The following SPDYE10 variants were observed in gnomAD, a reference collection of about 807,000 sequenced individuals.
SPDYE10 encodes speedy/RINGO cell cycle regulator family member E10, also known as speedy protein E10.
At chr7:73,154,996 G>T in the SPDYE10 span, 4 of 157,096 alleles carry the variant, frequency 2.5e-5, no homozygotes, top group Non-Finnish European at 5.4e-5. Flanking sequence ...CCGCCGCTCG[G>T]CCCCTCGGCT....
chr7:73,123,168 C>T, the SPDYE10 span, among the ~76,000 whole-genome samples: 2 of 152,234 alleles, frequency 1.3e-5, no homozygotes, highest in South Asian at 4.1e-4. Flanking sequence ...CTTGCTGCTG[C>T]CATTCCTGGC....
At chr7:73,135,638 G>A in the SPDYE10 span, among the ~76,000 whole-genome samples, 1 of 110,128 alleles carries the variant, frequency 9.1e-6, no homozygotes, top group Admixed American at 9.6e-5. Flanking sequence ...AGATTCTTGT[G>A]CCCCACCACT....
At chr7:73,149,661 T>C in the SPDYE10 span, among the ~76,000 whole-genome samples, 1 of 151,594 alleles carries the variant, frequency 6.6e-6, no homozygotes, top group South Asian at 2.1e-4. Flanking sequence ...CTCATGTGTG[T>C]GGCTGCACTC....
chr7:73,130,800 AC>A, the SPDYE10 span, among the ~76,000 whole-genome samples: 1 of 147,982 alleles, frequency 6.8e-6, no homozygotes, highest in Non-Finnish European at 1.5e-5. Flanking sequence ...TTTATGGGGT[AC>A]CTAGGGATGT....
the SPDYE10 span, among the ~76,000 whole-genome samples, chr7:73,127,845 A>T: frequency 3.1e-5 from 4 of 130,382 alleles, no homozygotes. Context: ...GGGTGTGTAG[A>T]AAAAGGAGAT....
chr7:73,135,722 A>G, the SPDYE10 span, among the ~76,000 whole-genome samples: 3 of 65,226 alleles, frequency 4.6e-5, no homozygotes, highest in South Asian at 2.0e-3. Context: ...GGCACCTGCC[A>G]CCATGCCGGG....
chr7:73,145,154 T>G, the SPDYE10 span, among the ~76,000 whole-genome samples: 1 of 145,064 alleles, frequency 6.9e-6, no homozygotes, highest in African/African-American at 2.8e-5. Flanking sequence ...TTTTCTTTCT[T>G]TCTTTCTTTC....
At chr7:73,147,177 T>TA in the SPDYE10 span, among the ~76,000 whole-genome samples, 3 of 146,236 alleles carry the variant, frequency 2.1e-5, no homozygotes, top group African/African-American at 7.7e-5. Flanking sequence ...TTTTTTTTTT[T>TA]CTTTGAGACA....
chr7:73,145,021 A>AAAG, the SPDYE10 span, among the ~76,000 whole-genome samples: 1 of 110,860 alleles, frequency 9.0e-6, no homozygotes, highest in African/African-American at 4.4e-5. Context: ...AAAAAAAAAA[A>AAAG]AAGAAGAATT....
the SPDYE10 span, among the ~76,000 whole-genome samples, chr7:73,134,545 G>GAAAGAAAGAAAGAAAGAAAGAAAGA: frequency 3.3e-5 from 5 of 151,956 alleles, no homozygotes; most frequent in African/African-American, 1.2e-4. Context: ...GAAAAAGAAA[G>GAAAGAAAGAAAGAAAGAAAGAAAGA]AAAGAAAGAA....
At chr7:73,114,314 C>CA in the SPDYE10 span, among the ~76,000 whole-genome samples, 19 of 135,048 alleles carry the variant, frequency 1.4e-4, no homozygotes, top group Non-Finnish European at 2.9e-4. Context: ...TGCACACACA[C>CA]CTCTCTAGAA....
chr7:73,126,691 T>C, the SPDYE10 span, among the ~76,000 whole-genome samples: 1 of 145,870 alleles, frequency 6.9e-6, no homozygotes, highest in South Asian at 2.1e-4. Context: ...TTTTTTTCTT[T>C]TTTTGAGATA....
chr7:73,137,891 G>GAGGGGAAGGGGAGGGGAAGGGA, the SPDYE10 span, among the ~76,000 whole-genome samples: 3 of 119,276 alleles, frequency 2.5e-5, no homozygotes, highest in Non-Finnish European at 3.5e-5. Context: ...AGGGGAAGGA[G>GAGGGGAAGGGGAGGGGAAGGGA]AGGGGAAGGG....
chr7:73,141,913 A>AAAAAG, the SPDYE10 span, among the ~76,000 whole-genome samples: 15 of 43,796 alleles, frequency 3.4e-4, no homozygotes, highest in East Asian at 6.1e-3. Context: ...GAAAGAAAAA[A>AAAAAG]AAAAGAAAAG....
the SPDYE10 span, among the ~76,000 whole-genome samples, chr7:73,145,172 C>T: frequency 2.6e-5 from 3 of 117,096 alleles, no homozygotes; most frequent in Admixed American, 9.2e-5. Flanking sequence ...TTCTCTTTCT[C>T]TCTCTCTTTC....
chr7:73,154,607 G>A, the SPDYE10 span, among the ~76,000 whole-genome samples: 3 of 147,076 alleles, frequency 2.0e-5, no homozygotes, highest in Non-Finnish European at 4.5e-5. Context: ...CACCGGAGTC[G>A]TCTGGTTTGC....
At chr7:73,137,924 G>GAGGGGAAGGGAAGGGGAAGGGA in the SPDYE10 span, among the ~76,000 whole-genome samples, 2 of 111,364 alleles carry the variant, frequency 1.8e-5, no homozygotes, top group Non-Finnish European at 3.9e-5. Flanking sequence ...AGGGGAAGGG[G>GAGGGGAAGGGAAGGGGAAGGGA]AGGGGAAGGG....
At chr7:73,113,674 G>A in the SPDYE10 span, among the ~76,000 whole-genome samples, 2 of 151,888 alleles carry the variant, frequency 1.3e-5, no homozygotes, top group Non-Finnish European at 2.9e-5. Flanking sequence ...CAGGTGGATC[G>A]CTTGAGGTCA....
the SPDYE10 span, among the ~76,000 whole-genome samples, chr7:73,127,219 G>A: frequency 1.6e-5 from 1 of 62,446 alleles, no homozygotes; most frequent in Admixed American, 1.8e-4. Flanking sequence ...TGGGACTACA[G>A]GCCTGAGCTA....
Sources: allele counts gnomAD v4.1 joint callset (sites outside exome capture counted in the v4.1 genomes callset), GRCh38; gene constraint gnomAD v4.1.1; transcripts MANE v1.5; gene names NCBI Gene and HGNC (gene_info 2026-07-23, HGNC 2026-07-21).